The following NEK10 variants were observed in gnomAD, a reference collection of about 807,000 sequenced individuals.
NEK10 encodes NIMA related kinase 10, also known as serine/threonine-protein kinase Nek10.
NEK10 carries 122 observed loss-of-function variants against 159.8 expected under a neutral mutation model. That is an observed-to-expected ratio of 0.76 (90% CI 0.66 to 0.89). The LOEUF (loss-of-function observed/expected upper bound fraction) is 0.89. Ranked by LOEUF, NEK10 falls within the 40% of genes least tolerant of loss-of-function variation. The pLI, the probability that NEK10 is intolerant of heterozygous loss-of-function variation, is 0.00. For missense variants in NEK10, 1,342 were observed against 1,323.1 expected, an observed-to-expected ratio of 1.01 and a Z score of -0.22; for synonymous variants, 466 against 457.1, an observed-to-expected ratio of 1.02 and a Z score of -0.25.
At chr3:27,320,749 G>A (rs931992733) in intron 6 of NEK10, among the ~76,000 whole-genome samples, 4 of 152,172 alleles carry the variant, frequency 2.6e-5, no homozygotes, top group East Asian at 3.9e-4. Context: ...ACAATAGCAC[G>A]AGGCCAGTTT....
intron 30 of NEK10, among the ~76,000 whole-genome samples, chr3:27,156,147 T>G (rs1328744410): frequency 1.3e-5 from 2 of 152,054 alleles, no homozygotes; most frequent in Non-Finnish European, 2.9e-5. Context: ...CAAGATGGAT[T>G]AAGGACTTAA....
intron 12 of NEK10, among the ~76,000 whole-genome samples, chr3:27,304,178 G>A (rs1387933489): frequency 1.3e-5 from 2 of 152,110 alleles, no homozygotes; most frequent in Non-Finnish European, 2.9e-5. Context: ...TTAGAGGACC[G>A]TAATGAAGAT....
rs2042453938 is a variant in NEK10 at position 27,284,774 on chromosome 3, C to T, written c.1911+66G>A. 8 of 1,528,416 alleles carry T rather than the reference C, an allele frequency of 5.2e-6. No individual in the cohort carries two copies. In the South Asian group the frequency reaches 6.8e-5, roughly 13 times the overall value. 94.7% of individuals were successfully genotyped at this position (1,528,416 alleles called of 1,614,324 possible). A position where few individuals can be genotyped will look rare whatever the true frequency, so the allele number is the denominator to read the frequency against. ...CATATAGCCAAAGATGACTACTGCA[C>T]GTCTTTAAGAAGCCAGCTCAGAACA... is the stretch of plus-strand genomic sequence containing the variant. On this transcript the variant is annotated intron_variant, in intron 21 of 35. Coordinates refer to ENST00000691995, the MANE Select transcript of NEK10 (RefSeq NM_001394966.1).
At chr3:27,175,531 AAATT>A (rs1186484751) in intron 26 of NEK10, among the ~76,000 whole-genome samples, 3 of 152,230 alleles carry the variant, frequency 2.0e-5, no homozygotes, top group Non-Finnish European at 2.9e-5. Flanking sequence ...GGGTCAATAA[AAATT>A]AATTAATTAA....
intron 1 of NEK10, among the ~76,000 whole-genome samples, chr3:27,365,605 T>C (rs1341423830): frequency 1.6e-4 from 14 of 88,894 alleles, no homozygotes; most frequent in African/African-American, 5.9e-4. Context: ...GTGTTTTTTT[T>C]TTGTGTTTTT....
chr3:27,212,673 A>G (rs898948875), intron 23 of NEK10, among the ~76,000 whole-genome samples: 11 of 152,264 alleles, frequency 7.2e-5, no homozygotes, highest in Admixed American at 4.6e-4. Context: ...TATGTTATAT[A>G]GTAGTTATTT....
chr3:27,124,239 A>G (rs1941674251), intron 32 of NEK10, among the ~76,000 whole-genome samples: 1 of 152,172 alleles, frequency 6.6e-6, no homozygotes, highest in Non-Finnish European at 1.5e-5. Flanking sequence ...TAATAAAAAA[A>G]TGCTTAATAA....
At chr3:27,222,454 A>T in intron 23 of NEK10, among the ~76,000 whole-genome samples, 1 of 152,256 alleles carries the variant, frequency 6.6e-6, no homozygotes, top group East Asian at 1.9e-4. Flanking sequence ...AGTATGCATA[A>T]ATGGGTATTT....
chr3:27,151,671 T>C (rs1244387269), intron 30 of NEK10, among the ~76,000 whole-genome samples: 4 of 152,118 alleles, frequency 2.6e-5, no homozygotes, highest in African/African-American at 9.7e-5. Flanking sequence ...CTGATTTACC[T>C]GAAAAAGAAT....
intron 3 of NEK10, among the ~76,000 whole-genome samples, chr3:27,347,739 A>C (rs2047672164): frequency 6.6e-6 from 1 of 152,190 alleles, no homozygotes; most frequent in Non-Finnish European, 1.5e-5. Context: ...TCGGTCAGCC[A>C]ATCTACAACC....
chr3:27,166,727 A>AG (rs920286460), intron 29 of NEK10, among the ~76,000 whole-genome samples: 8 of 152,244 alleles, frequency 5.3e-5, no homozygotes, highest in East Asian at 1.9e-4. Context: ...TGGGAGGCCC[A>AG]GGGGGGTGGA....
intron 10 of NEK10, 91 bp from the exon 11 acceptor site, chr3:27,308,036 T>C (rs2044376693): frequency 1.5e-6 from 1 of 653,904 alleles, no homozygotes; most frequent in South Asian, 1.8e-5. Flanking sequence ...AAGAACTGCC[T>C]GAGACTGGGT....
At chr3:27,254,726 T>C (rs1956004612) in intron 23 of NEK10, among the ~76,000 whole-genome samples, 1 of 152,164 alleles carries the variant, frequency 6.6e-6, no homozygotes. Context: ...ATACTTTACA[T>C]GCTATTAAAA....
Position 27,297,161 on chromosome 3 carries a change from G to C in NEK10, c.1230+18C>G. The stretch of plus-strand genomic sequence containing the variant: ...TGAATGGTTATGGAGACCTGACCTT[G>C]AGAAGGAGTGCTCTCACCTGAACCA... On this transcript the variant is annotated intron_variant, in intron 14 of 35. Coordinates refer to ENST00000691995, the MANE Select transcript of NEK10 (RefSeq NM_001394966.1). 6 of 1,580,806 alleles carry C rather than the reference G, an allele frequency of 3.8e-6. No homozygotes were observed. Among genetic ancestry groups the C allele is most frequent in the Non-Finnish European group, 4.3e-6 (5 of 1,149,800 alleles).
intron 23 of NEK10, among the ~76,000 whole-genome samples, chr3:27,205,242 T>C (rs1343480366): frequency 1.2e-4 from 18 of 149,370 alleles, no homozygotes; most frequent in Non-Finnish European, 2.1e-4. Flanking sequence ...TCCATGCTCA[T>C]GGGTAGGAAG....
chr3:27,127,778 G>A (rs2125494434), intron 32 of NEK10, among the ~76,000 whole-genome samples: 1 of 152,120 alleles, frequency 6.6e-6, no homozygotes, highest in Middle Eastern at 3.4e-3. Context: ...GTTTAAGTCA[G>A]GAAGAAATAA....
At chr3:27,153,623 G>T (rs992898541) in intron 30 of NEK10, among the ~76,000 whole-genome samples, 1 of 152,124 alleles carries the variant, frequency 6.6e-6, no homozygotes, top group Non-Finnish European at 1.5e-5. Flanking sequence ...GACCACAGTG[G>T]ACTAAAAGTG....
In NEK10 at chr3:27,264,846, A is replaced by T. The variant is rs191499832; in HGVS notation, c.2015-8475T>A. Among the ~76,000 whole-genome samples, 77 of 152,162 alleles carry T rather than the reference A, an allele frequency of 5.1e-4. No homozygotes were observed. In the East Asian group the frequency reaches 0.014, roughly 27 times the overall value. On this transcript the variant is annotated intron_variant, in intron 22 of 35. Coordinates refer to ENST00000691995, the MANE Select transcript of NEK10 (RefSeq NM_001394966.1). ...CGGGCAGAGCTTGCAGTAAGCCAAGATCACATCACTGCACTCCAGCCTGGG... is the reference window on the plus strand; with the variant it reads ...CGGGCAGAGCTTGCAGTAAGCCAAGTTCACATCACTGCACTCCAGCCTGGG...
At chr3:27,284,400 TA>T (rs1377837091) in intron 22 of NEK10, among the ~76,000 whole-genome samples, 1 of 151,990 alleles carries the variant, frequency 6.6e-6, no homozygotes, top group Non-Finnish European at 1.5e-5. Flanking sequence ...AAAAAAAAAT[TA>T]ATTAAAATTT....
Sources: allele counts gnomAD v4.1 joint callset (sites outside exome capture counted in the v4.1 genomes callset), GRCh38; gene constraint gnomAD v4.1.1; transcripts MANE v1.5; gene names NCBI Gene and HGNC (gene_info 2026-07-23, HGNC 2026-07-21).